Variants in EEA1 observed in about 807,000 individuals in gnomAD.
The protein encoded by EEA1 is early endosome antigen 1, also known as early endosome antigen 1, 162kD.
In EEA1, 111 loss-of-function variants were observed where a neutral mutation model predicts 209.2. The ratio of observed to expected loss-of-function variants is 0.53; its 90% CI spans 0.45 to 0.62. The LOEUF (loss-of-function observed/expected upper bound fraction) is 0.62, where lower values mean the gene tolerates loss of function less well. Ranked by LOEUF, EEA1 falls within the 20% of genes least tolerant of loss-of-function variation. EEA1 has a pLI of 0.00. For missense variants in EEA1, 1,343 were observed against 1,530.8 expected, an observed-to-expected ratio of 0.88 and a Z score of 2.05; for synonymous variants, 536 against 540.6, an observed-to-expected ratio of 0.99 and a Z score of 0.12.
chr12:92,927,948 A>C (rs376090254), intron 1 of EEA1, among the ~76,000 whole-genome samples: 4 of 152,362 alleles, frequency 2.6e-5, no homozygotes, highest in South Asian at 4.1e-4. Context: ...AAAGCTAGGC[A>C]GAAGCAAGAG....
intron 23 of EEA1, 50 bp downstream of exon 23, chr12:92,781,900 A>G: frequency 6.5e-7 from 1 of 1,529,660 alleles, no homozygotes; most frequent in East Asian, 2.3e-5. Flanking sequence ...ATGATCTCTA[A>G]GACAACTGTA....
At chr12:92,866,191 C>CAAAAAAAAAAAAAAAA (rs11317190) in intron 2 of EEA1, among the ~76,000 whole-genome samples, 2 of 71,728 alleles carry the variant, frequency 2.8e-5, no homozygotes, top group African/African-American at 5.7e-5. Context: ...GACTCCTTCT[C>CAAAAAAAAAAAAAAAA]AAAAAAAAAA....
chr12:92,783,862 C>T (rs191772702), intron 22 of EEA1, among the ~76,000 whole-genome samples: 8 of 151,074 alleles, frequency 5.3e-5, no homozygotes, highest in Admixed American at 4.0e-4. Context: ...AGGCAGAAAA[C>T]GTAATTTAGC....
intron 1 of EEA1, among the ~76,000 whole-genome samples, chr12:92,897,386 T>G (rs1016899825): frequency 1.3e-5 from 2 of 152,182 alleles, no homozygotes; most frequent in Non-Finnish European, 1.5e-5. Context: ...TAACTTTACT[T>G]CAGCCTCTGG....
At chr12:92,781,798 C>A (rs1873914069) in intron 23 of EEA1, 152 bp downstream of exon 23, 1 of 550,932 alleles carries the variant, frequency 1.8e-6, no homozygotes, top group Non-Finnish European at 2.9e-6. Context: ...CATTAAAATC[C>A]CAATGATCAA....
At chr12:92,921,759 G>GAAAAAAAAAAAAAA (rs751838383) in intron 1 of EEA1, among the ~76,000 whole-genome samples, 6 of 76,714 alleles carry the variant, frequency 7.8e-5, no homozygotes, top group Non-Finnish European at 1.2e-4. Flanking sequence ...TAAAAAAAAA[G>GAAAAAAAAAAAAAA]AAAAAAAAAA....
At chr12:92,865,961 G>A (rs146217601) in intron 2 of EEA1, among the ~76,000 whole-genome samples, 10 of 151,474 alleles carry the variant, frequency 6.6e-5, no homozygotes, top group African/African-American at 2.4e-4. Context: ...TGTTGGCCCG[G>A]TGGTCTCGAA....
chr12:92,840,961 T>G (rs1386535343), intron 10 of EEA1, among the ~76,000 whole-genome samples: 2 of 152,188 alleles, frequency 1.3e-5, no homozygotes, highest in Non-Finnish European at 2.9e-5. Flanking sequence ...GAGGCCCCAG[T>G]GAGGTCTCTT....
intron 18 of EEA1, among the ~76,000 whole-genome samples, chr12:92,804,083 A>G (rs959663427): frequency 2.0e-5 from 3 of 152,194 alleles, no homozygotes; most frequent in Non-Finnish European, 4.4e-5. Context: ...CAACCAGAGG[A>G]ACAAATTGGC....
intron 21 of EEA1, 70 bp downstream of exon 21, chr12:92,798,822 T>C (rs186236082): frequency 8.1e-7 from 1 of 1,232,724 alleles, no homozygotes; most frequent in East Asian, 2.4e-5. Flanking sequence ...TCCATCTGTA[T>C]TAATCATCAT....
In EEA1 at chr12:92,842,540, G is replaced by A; in HGVS notation, c.840C>T (p.Pro280=). ...SQLRSELAKG[P]QEVAVYVQEL... Reference sequence around the variant, plus strand: ...CCTGTACATATACAGCAACTTCCTGGGGGCCTTTGGCAAGTTCACTCCTTA... The same window carrying A: ...CCTGTACATATACAGCAACTTCCTGAGGGCCTTTGGCAAGTTCACTCCTTA... The change falls in exon 10 of 29, where the codon CCC becomes CCT. Residue 280 remains proline (P), a synonymous_variant. Transcript: ENST00000322349. 1 of 1,605,176 alleles carries A rather than the reference G, an allele frequency of 6.2e-7. No homozygotes were observed. Among genetic ancestry groups the A allele is most frequent in the Non-Finnish European group, 8.5e-7 (1 of 1,176,762 alleles).
intron 13 of EEA1, among the ~76,000 whole-genome samples, chr12:92,824,643 T>C (rs919385434): frequency 2.6e-5 from 4 of 152,304 alleles, no homozygotes; most frequent in African/African-American, 9.6e-5. Flanking sequence ...AGGCTCCTCC[T>C]TCCTTCAGGT....
chr12:92,800,137 G>A (rs1056334376), intron 20 of EEA1, among the ~76,000 whole-genome samples: 2 of 151,984 alleles, frequency 1.3e-5, no homozygotes, highest in East Asian at 1.9e-4. Context: ...CAGGAGAATC[G>A]CTTGAACTTA....
chr12:92,917,694 C>T (rs1489434612), intron 1 of EEA1, among the ~76,000 whole-genome samples: 1 of 144,800 alleles, frequency 6.9e-6, no homozygotes, highest in Non-Finnish European at 1.5e-5. Flanking sequence ...AACTAACGAG[C>T]AAAATCACCA....
chr12:92,875,150 C>T (rs894007805), intron 2 of EEA1, among the ~76,000 whole-genome samples: 1 of 152,074 alleles, frequency 6.6e-6, no homozygotes, highest in Non-Finnish European at 1.5e-5. Context: ...GAAAAAGTTA[C>T]CCAAAAAAAT....
intron 1 of EEA1, among the ~76,000 whole-genome samples, chr12:92,907,163 A>G (rs1350775005): frequency 6.6e-6 from 1 of 152,222 alleles, no homozygotes; most frequent in Non-Finnish European, 1.5e-5. Context: ...TTGACCTCTT[A>G]GCTTATCACA....
intron 1 of EEA1, among the ~76,000 whole-genome samples, chr12:92,920,961 A>T (rs1190506277): frequency 6.6e-6 from 1 of 151,756 alleles, no homozygotes; most frequent in African/African-American, 2.4e-5. Flanking sequence ...CACTTCTCAA[A>T]AGAAGACATT....
chr12:92,851,345 A>G, intron 8 of EEA1, 79 bp from the exon 9 acceptor site: 2 of 1,315,960 alleles, frequency 1.5e-6, no homozygotes, highest in Non-Finnish European at 2.1e-6. Context: ...TTTCACTACA[A>G]AGGAATCAAA....
chr12:92,794,316 G>A (rs1196993953), intron 21 of EEA1, among the ~76,000 whole-genome samples: 1 of 152,214 alleles, frequency 6.6e-6, no homozygotes, highest in Non-Finnish European at 1.5e-5. Flanking sequence ...GTGGAAGACA[G>A]TGTGGCGATT....
Sources: allele counts gnomAD v4.1 joint callset (sites outside exome capture counted in the v4.1 genomes callset), GRCh38; gene constraint gnomAD v4.1.1; transcripts MANE v1.5; gene names NCBI Gene and HGNC (gene_info 2026-07-23, HGNC 2026-07-21).